MED12L: variants seen among roughly 807,000 people sequenced by gnomAD.
The protein encoded by MED12L is mediator of RNA polymerase II transcription subunit 12-like protein.
MED12L carries 60 observed loss-of-function variants against 281.3 expected under a neutral mutation model. The ratio of observed to expected loss-of-function variants is 0.21; its 90% confidence interval spans 0.17 to 0.26. MED12L has a LOEUF of 0.26. Among genes scored for constraint, MED12L ranks in the 10% least tolerant of loss-of-function variants. The pLI is 1.00. For missense variants in MED12L, 2,146 were observed against 2,680.9 expected (o/e 0.80, Z 4.41); for synonymous variants, 974 against 987.2 (o/e 0.99, Z 0.25).
At chr3:151,215,574 A>G (rs1334440386) in intron 16 of MED12L, among the ~76,000 whole-genome samples, 3 of 152,172 alleles carry the variant, frequency 2.0e-5, no homozygotes, top group East Asian at 1.9e-4. Flanking sequence ...CAGAACTTCT[A>G]TTGTTTAGGA....
At chr3:151,122,203 G>A (rs1713864454) in intron 3 of MED12L, among the ~76,000 whole-genome samples, 1 of 152,118 alleles carries the variant, frequency 6.6e-6, no homozygotes, top group Non-Finnish European at 1.5e-5. Context: ...AAACATTGTA[G>A]TTTTGAAATT....
At chr3:151,121,939 CTT>C (rs1218327829) in intron 3 of MED12L, among the ~76,000 whole-genome samples, 1 of 151,818 alleles carries the variant, frequency 6.6e-6, no homozygotes, top group African/African-American at 2.4e-5. Context: ...GTCTCGAACT[CTT>C]GACCTCAGGT....
intron 18 of MED12L, among the ~76,000 whole-genome samples, chr3:151,355,468 A>G (rs1287509397): frequency 6.6e-6 from 1 of 152,198 alleles, no homozygotes; most frequent in Non-Finnish European, 1.5e-5. Context: ...AATCGGTGAC[A>G]TATAAAGTAA....
At chr3:151,328,961 C>G (rs1464507733) in intron 16 of MED12L, 6 of 1,613,248 alleles carry the variant, frequency 3.7e-6, no homozygotes, top group Non-Finnish European at 5.1e-6. Context: ...CCGCTCAGAT[C>G]TGTTGAAGCC....
chr3:151,308,670 T>G (rs1375523352), intron 16 of MED12L, among the ~76,000 whole-genome samples: 3 of 152,198 alleles, frequency 2.0e-5, no homozygotes, highest in Non-Finnish European at 4.4e-5. Context: ...ATCCTGTGGC[T>G]TAAGCATTCT....
At chr3:151,256,080 A>G (rs934097459) in intron 16 of MED12L, among the ~76,000 whole-genome samples, 1 of 152,242 alleles carries the variant, frequency 6.6e-6, no homozygotes, top group Non-Finnish European at 1.5e-5. Flanking sequence ...ATAGAAATAC[A>G]GTGCTATGCT....
intron 16 of MED12L, among the ~76,000 whole-genome samples, chr3:151,195,000 T>C (rs547398735): frequency 3.2e-4 from 48 of 152,216 alleles, no homozygotes; most frequent in African/African-American, 1.1e-3. Flanking sequence ...CCGTATCTAC[T>C]AAAAATACAA....
At chr3:151,260,505 G>A (rs1347432508) in intron 16 of MED12L, among the ~76,000 whole-genome samples, 1 of 151,954 alleles carries the variant, frequency 6.6e-6, no homozygotes, top group Non-Finnish European at 1.5e-5. Context: ...GTGTACCACT[G>A]TGTCCAGCTA....
Position 151,190,802 on chromosome 3 carries a change from C to T in MED12L, c.1839C>T (p.Ser613=), listed in dbSNP as rs548034769. 13 of 1,614,154 alleles carry T rather than the reference C, an allele frequency of 8.1e-6. No individual in the cohort carries two copies. The African/African-American group carries it at 1.2e-4, about 15-fold the overall frequency. ...AGTTCATCCGCCATGATGTCTTCTC[C>T]CATGACGCATACATGTGTACCCTCA... ...FCEFIRHDVF[S]HDAYMCTLIS... The change falls in exon 14 of 45, where the codon TCC becomes TCT. Residue 613 remains serine (S), a synonymous_variant. Coordinates refer to ENST00000687756, the MANE Select transcript of MED12L (RefSeq NM_001393769.1).
At chr3:151,423,196 T>A (rs192990437) in intron 43 of MED12L, among the ~76,000 whole-genome samples, 247 of 151,860 alleles carry the variant, frequency 1.6e-3, no homozygotes, top group African/African-American at 4.5e-3. Context: ...TTTTTTTTTT[T>A]TATACTTTAA....
chr3:151,431,171 T>C (rs1483256799), intron 44 of MED12L, among the ~76,000 whole-genome samples: 1 of 152,192 alleles, frequency 6.6e-6, no homozygotes, highest in Non-Finnish European at 1.5e-5. Flanking sequence ...TGGCTGCCAT[T>C]ATCTGGATTG....
chr3:151,212,689 T>G (rs1265030678), intron 16 of MED12L: 3 of 152,164 alleles, frequency 2.0e-5, no homozygotes, highest in Non-Finnish European at 4.4e-5. Flanking sequence ...AAAAAAAATT[T>G]TCTTGCTAAG....
chr3:151,093,744 G>A lies in MED12L; in HGVS notation c.99+6719G>A, dbSNP rs1720363318. On this transcript the variant is annotated intron_variant, in intron 2 of 44. Coordinates refer to ENST00000687756, the MANE Select transcript of MED12L (RefSeq NM_001393769.1). ...TTCTGCATGCACTTGGCTAAACTGG[G>A]GTATAAGCGAGCAGGTCTTGCTTTG... Among the ~76,000 whole-genome samples the A allele has an allele frequency of 2.0e-5, 3 of 152,166 alleles. No homozygotes were observed. In the East Asian group the frequency reaches 5.8e-4, roughly 29 times the overall value.
chr3:151,363,266 T>C (rs570725506), intron 21 of MED12L, among the ~76,000 whole-genome samples: 64 of 152,238 alleles, frequency 4.2e-4, no homozygotes, highest in African/African-American at 1.5e-3. Context: ...AGAGACCTAT[T>C]TGTAGTTTGA....
intron 3 of MED12L, among the ~76,000 whole-genome samples, chr3:151,121,062 T>G: frequency 6.6e-6 from 1 of 152,234 alleles, no homozygotes; most frequent in Non-Finnish European, 1.5e-5. Context: ...ATTAAATACT[T>G]AAAGATAATT....
At chr3:151,314,989 CAT>C (rs1353715341) in intron 16 of MED12L, among the ~76,000 whole-genome samples, 6 of 152,154 alleles carry the variant, frequency 3.9e-5, no homozygotes, top group Non-Finnish European at 8.8e-5. Flanking sequence ...CTCTTGCCTG[CAT>C]AGAGAACATC....
intron 15 of MED12L, 85 bp from the exon 16 acceptor site, chr3:151,193,405 A>G (rs1724238634): frequency 1.0e-6 from 1 of 983,216 alleles, no homozygotes; most frequent in African/African-American, 1.6e-5. Context: ...TAAGTGTCTT[A>G]TGTGTGTGTT....
chr3:151,304,463 A>G (rs1291421272), intron 16 of MED12L, among the ~76,000 whole-genome samples: 2 of 152,048 alleles, frequency 1.3e-5, no homozygotes, highest in African/African-American at 4.8e-5. Context: ...GGTCCCAGCT[A>G]TTCGGGAGGC....
chr3:151,401,531 C>T (rs1715683575), intron 39 of MED12L, among the ~76,000 whole-genome samples: 1 of 152,086 alleles, frequency 6.6e-6, no homozygotes, highest in South Asian at 2.1e-4. Context: ...TCTTAATTTG[C>T]ATTGTCCTGA....
Sources: gnomAD v4.1 joint callset for allele counts (sites outside exome capture counted in the v4.1 genomes callset) on GRCh38, gnomAD v4.1.1 for gene constraint, MANE v1.5 for transcripts, NCBI Gene and HGNC (gene_info 2026-07-23, HGNC 2026-07-21) for gene names.